GABRG3: variants seen among roughly 807,000 people sequenced by gnomAD.
GABRG3 encodes the protein gamma-aminobutyric acid receptor subunit gamma-3.
A neutral mutation model predicts 48.8 loss-of-function variants in GABRG3; 25 were observed. The observed-to-expected ratio is 0.51, with a 90% CI of 0.37 to 0.72. GABRG3 has a LOEUF of 0.72. Among genes scored for constraint, GABRG3 ranks in the 30% least tolerant of loss-of-function variants. The pLI, the probability that GABRG3 is intolerant of heterozygous loss-of-function variation, is 0.00. For missense variants in GABRG3, 394 were observed against 577.9 expected (o/e 0.68, Z 3.26); for synonymous variants, 227 against 217.6 (o/e 1.04, Z -0.38).
rs2140670038 is a variant in GABRG3, at chr15:27,015,072, A to G, written c.203-11682A>G. Among the ~76,000 whole-genome samples, 2 of 152,330 alleles carry G rather than the reference A, an allele frequency of 1.3e-5. 1 individual carries two copies. ...TGACTTAAAATCTCTTTTGTCCAAT[A>G]CAAATATAGTCACCCTTGCTTTCTT... On this transcript the variant is annotated intron_variant, in intron 2 of 9. Transcript: ENST00000615808.
intron 2 of GABRG3, among the ~76,000 whole-genome samples, chr15:27,019,091 T>TGGA (rs1257355567): frequency 9.4e-6 from 1 of 106,222 alleles, no homozygotes; most frequent in African/African-American, 3.7e-5. Flanking sequence ...TTTTTTGAGA[T>TGGA]GGAGTCTTGC....
intron 3 of GABRG3, among the ~76,000 whole-genome samples, chr15:27,243,979 A>G (rs1197711691): frequency 6.6e-6 from 1 of 152,218 alleles, no homozygotes; most frequent in African/African-American, 2.4e-5. Context: ...AATATTTACT[A>G]AGTATAGGGT....
intron 3 of GABRG3, among the ~76,000 whole-genome samples, chr15:27,060,188 G>C (rs1317114308): frequency 1.3e-5 from 2 of 152,222 alleles, no homozygotes; most frequent in East Asian, 3.8e-4. Flanking sequence ...CCCAGGAGAA[G>C]AGATTGTCTA....
chr15:27,199,763 G>A (rs992187952), intron 3 of GABRG3, among the ~76,000 whole-genome samples: 5 of 152,158 alleles, frequency 3.3e-5, no homozygotes, highest in East Asian at 1.9e-4. Context: ...CCTTTTCTTC[G>A]TATTAATTAC....
At chr15:27,431,316 C>T (rs571443362) in intron 5 of GABRG3, among the ~76,000 whole-genome samples, 6 of 152,148 alleles carry the variant, frequency 3.9e-5, no homozygotes, top group South Asian at 2.1e-4. Flanking sequence ...TTTTGTAACT[C>T]GCCTTTCAGA....
intron 3 of GABRG3, among the ~76,000 whole-genome samples, chr15:27,309,134 TAG>T (rs1434198257): frequency 7.8e-6 from 1 of 128,874 alleles, no homozygotes; most frequent in Non-Finnish European, 1.8e-5. Flanking sequence ...AATGTAAACA[TAG>T]ATGTTTATAT....
chr15:27,148,123 G>A (rs1898243231), intron 3 of GABRG3, among the ~76,000 whole-genome samples: 2 of 151,726 alleles, frequency 1.3e-5, no homozygotes, highest in Admixed American at 1.3e-4. Flanking sequence ...AATGAAAGAG[G>A]AGACACTACT....
intron 6 of GABRG3, among the ~76,000 whole-genome samples, chr15:27,481,871 T>TACC (rs1217899466): frequency 6.6e-6 from 1 of 152,316 alleles, no homozygotes; most frequent in East Asian, 1.9e-4. Context: ...AAGAGGCACC[T>TACC]ACCTTAGTAA....
chr15:27,310,674 A>G (rs1892964632), intron 3 of GABRG3, among the ~76,000 whole-genome samples: 2 of 152,196 alleles, frequency 1.3e-5, no homozygotes, highest in East Asian at 1.9e-4. Flanking sequence ...TGGCTAATGC[A>G]CTTCTGAATA....
At chr15:26,985,997 C>T (rs1055272487) in intron 2 of GABRG3, among the ~76,000 whole-genome samples, 5 of 152,102 alleles carry the variant, frequency 3.3e-5, no homozygotes, top group Non-Finnish European at 5.9e-5. Context: ...TGATGACTCA[C>T]CATCTAGGTG....
intron 6 of GABRG3, among the ~76,000 whole-genome samples, chr15:27,514,883 T>A (rs1036067031): frequency 6.6e-6 from 1 of 152,090 alleles, no homozygotes; most frequent in African/African-American, 2.4e-5. Context: ...ATCACAGAAT[T>A]CAGAAAACTT....
intron 3 of GABRG3, among the ~76,000 whole-genome samples, chr15:27,079,296 C>T (rs1201794725): frequency 6.6e-6 from 1 of 150,766 alleles, no homozygotes; most frequent in Non-Finnish European, 1.5e-5. Flanking sequence ...AAGATAGTGC[C>T]AAAAAAAAGG....
chr15:27,462,461 T>C (rs923300815), intron 5 of GABRG3, among the ~76,000 whole-genome samples: 1 of 152,154 alleles, frequency 6.6e-6, no homozygotes, highest in Non-Finnish European at 1.5e-5. Context: ...CAGAAATGTC[T>C]AAAATATGAA....
intron 3 of GABRG3, among the ~76,000 whole-genome samples, chr15:27,267,464 G>C (rs1890957727): frequency 6.8e-6 from 1 of 147,104 alleles, no homozygotes; most frequent in Non-Finnish European, 1.5e-5. Flanking sequence ...CTTTGAGACT[G>C]TGTCTTGCTC....
Position 27,306,967 on chromosome 15 carries a change from A to G in GABRG3, c.271-19842A>G, listed in dbSNP as rs1186126177. On this transcript the variant is annotated intron_variant, in intron 3 of 9. Transcript: ENST00000615808. ...ATATATAATATAAACATGTTTATAT[A>G]TAAACATATATAATATAAACATGTT... Among the ~76,000 whole-genome samples, 5 of 125,022 alleles carry G rather than the reference A, an allele frequency of 4.0e-5. No individual in the cohort carries two copies. The East Asian group carries it at 6.6e-4, about 16-fold the overall frequency. The allele number at this position is 125,022 out of a possible 152,430, so 82.0% of individuals were successfully genotyped here. A position where few individuals can be genotyped will look rare whatever the true frequency, so the allele number is the denominator to read the frequency against.
chr15:27,294,560 C>A (rs563673710), intron 3 of GABRG3, among the ~76,000 whole-genome samples: 1 of 152,100 alleles, frequency 6.6e-6, no homozygotes, highest in Non-Finnish European at 1.5e-5. Context: ...TCATTTCTTG[C>A]TCATTTGTTC....
intron 3 of GABRG3, among the ~76,000 whole-genome samples, chr15:27,082,279 C>T (rs1232570970): frequency 6.6e-6 from 1 of 152,162 alleles, no homozygotes; most frequent in Non-Finnish European, 1.5e-5. Flanking sequence ...TGAAAAGCCA[C>T]CCAATTTCAC....
chr15:27,079,185 A>C (rs1034711994), intron 3 of GABRG3, among the ~76,000 whole-genome samples: 2 of 152,140 alleles, frequency 1.3e-5, no homozygotes, highest in African/African-American at 4.8e-5. Flanking sequence ...GCAGCACCTC[A>C]GGAGACATGT....
chr15:27,265,375 G>A (rs10152133), intron 3 of GABRG3, among the ~76,000 whole-genome samples: 17,457 of 151,882 alleles, frequency 0.11, 1,771 homozygotes, highest in African/African-American at 0.27. Flanking sequence ...ACAACCAGCC[G>A]TACAAAAAAC....
Sources: gnomAD v4.1 joint callset for allele counts (sites outside exome capture counted in the v4.1 genomes callset) on GRCh38, gnomAD v4.1.1 for gene constraint, MANE v1.5 for transcripts, NCBI Gene and HGNC (gene_info 2026-07-23, HGNC 2026-07-21) for gene names.